Variants in TNNT1 observed in about 807,000 individuals in gnomAD.
TNNT1 encodes the protein troponin T1, slow skeletal type, also known as troponin T, slow skeletal muscle.
Under a neutral mutation model 50.6 loss-of-function variants are expected in TNNT1, and 53 were observed. The ratio of observed to expected loss-of-function variants is 1.05; its 90% CI spans 0.84 to 1.32. TNNT1 has a LOEUF of 1.32. TNNT1 is among the 40% of genes most tolerant of loss of function. TNNT1 has a pLI of 0.00. For synonymous variants in TNNT1, 142 were observed against 138.0 expected, an observed-to-expected ratio of 1.03 and a Z score of -0.20; for missense variants, 348 against 381.7, an observed-to-expected ratio of 0.91 and a Z score of 0.74.
rs1268093521 is a variant in TNNT1, at chr19:55,132,715, G to A, written c.*200C>T. On this transcript the variant is annotated 3_prime_UTR_variant, in exon 14 of 14. Transcript: ENST00000588981. ...GCAGTGTGTGAAGGTTCAGCCTGCC[G>A]TACTTTAATGATTATTGGTGACACT... 4.0e-5 allele frequency: 25 copies of A among 621,788 alleles called. No homozygotes were observed. The highest frequency in any genetic ancestry group is 6.3e-5 in the Non-Finnish European group (22 of 347,878). 38.5% of individuals were successfully genotyped at this position (621,788 alleles called of 1,614,324 possible).
At chr19:55,146,967 G>A in intron 3 of TNNT1, 41 bp downstream of exon 3, 1 of 1,574,740 alleles carries the variant, frequency 6.4e-7, no homozygotes, top group Non-Finnish European at 8.6e-7. Context: ...GAGCTCCTGG[G>A]CGTGTCCCCA....
chr19:55,139,026 G>A (rs925454277), intron 9 of TNNT1, among the ~76,000 whole-genome samples: 3 of 152,042 alleles, frequency 2.0e-5, no homozygotes, highest in African/African-American at 7.2e-5. Context: ...ATGGAGTCTC[G>A]CTCTGTCACT....
chr19:55,143,696 C>T lies in TNNT1; in HGVS notation c.129-1776G>A, dbSNP rs543990243. On this transcript the variant is annotated intron_variant, in intron 6 of 13. Coordinates refer to ENST00000588981, the MANE Select transcript of TNNT1 (RefSeq NM_003283.6). ...GCTGTTCCATCCCTATCTCCTGCCC[C>T]GACAGCCCCGTGAGCTGCCAGTGAG... 2.0e-4 allele frequency among the ~76,000 whole-genome samples: 31 copies of T among 152,254 alleles called. 1 individual carries two copies. Among genetic ancestry groups the T allele is most frequent in the East Asian group, 1.4e-3 (7 of 5,174 alleles).
At position 55,140,080 on chromosome 19, in the gene TNNT1, G is replaced by A. The variant is rs151255325; in HGVS notation, c.387+803C>T. Among the ~76,000 whole-genome samples, 548 of 151,188 alleles carry A rather than the reference G, an allele frequency of 3.6e-3. 5 individuals are homozygous for A. Among genetic ancestry groups the A allele is most frequent in the African/African-American group, 0.013 (518 of 41,132 alleles). On this transcript the variant is annotated intron_variant, in intron 9 of 13. Coordinates refer to ENST00000588981, the MANE Select transcript of TNNT1 (RefSeq NM_003283.6). ...GGAGGTTGCAGTGAGCTGAGATCGC[G>A]TCACTGCACTCCAGCCTGGGTGACA...
rs1387252012 is a variant in TNNT1 at position 55,141,212 on chromosome 19, C to G, written c.283G>C (p.Glu95Gln). Residue 95 changes from glutamate to glutamine, a missense_variant, in exon 8 of 14, where the codon GAG becomes CAG. This residue lies in a region of TNNT1 where 253 missense variants were observed against 291.8 expected (regional missense o/e 0.87). Coordinates refer to ENST00000588981, the MANE Select transcript of TNNT1 (RefSeq NM_003283.6). The stretch of plus-strand genomic sequence containing the variant: ...ATGCGCTCCTTCAAGGCAACCAGCT[C>G]CTCTTCCTCCTTCTTCCGCTGCTCG... Reference protein sequence around the residue: ...HFEQRKKEEEELVALKERIER... With the variant: ...HFEQRKKEEEQLVALKERIER... 1 of 1,614,244 alleles carries G rather than the reference C, an allele frequency of 6.2e-7. No homozygotes were observed. The highest frequency in any genetic ancestry group is 1.1e-5 in the South Asian group (1 of 91,090).
intron 7 of TNNT1, 38 bp downstream of exon 7, chr19:55,141,819 T>G: frequency 6.2e-7 from 1 of 1,611,088 alleles, no homozygotes; most frequent in Non-Finnish European, 8.5e-7. Context: ...CCTTAAAGAC[T>G]AGCAACTGCG....
In TNNT1 at chr19:55,138,105, C is replaced by T. The variant is rs141761046; in HGVS notation, c.388-31G>A. The T allele has an allele frequency of 1.2e-4, 194 of 1,613,940 alleles. 1 individual carries two copies. In the African/African-American group the frequency reaches 2.2e-3, roughly 19 times the overall value. The stretch of plus-strand genomic sequence containing the variant: ...GGAAGTAAGGGGTTAACCTCATGGA[C>T]TCCCCTGTAGGACTGAGGGAGGAGG... On this transcript the variant is annotated intron_variant, in intron 9 of 13. Coordinates refer to ENST00000588981, the MANE Select transcript of TNNT1 (RefSeq NM_003283.6).
At chr19:55,134,961 C>A (rs955015534) in intron 11 of TNNT1, among the ~76,000 whole-genome samples, 5 of 151,778 alleles carry the variant, frequency 3.3e-5, no homozygotes, top group African/African-American at 1.2e-4. Context: ...GAATATGTCA[C>A]ATGACTTCCT....
chr19:55,146,388 C>T, intron 5 of TNNT1, 46 bp downstream of exon 5: 7 of 1,335,460 alleles, frequency 5.2e-6, no homozygotes, highest in Non-Finnish European at 6.8e-6. Context: ...GGGGGTCCCC[C>T]CGGGCCCCCG....
At position 55,141,307 on chromosome 19, in the gene TNNT1, A is replaced by AG; in HGVS notation, c.193-6dup. 1 of 1,613,014 alleles carries AG rather than the reference A, an allele frequency of 6.2e-7. No homozygotes were observed. Among genetic ancestry groups the AG allele is most frequent in the East Asian group, 2.2e-5 (1 of 44,872 alleles). ...CATGCGCTTGCGGTGGATGTCCTGC[A>AG]GGACACACGGGCAGCCCGTCCTAGG... On this transcript the variant is annotated splice_polypyrimidine_tract_variant and splice_region_variant and intron_variant, in intron 7 of 13. Transcript: ENST00000588981.
chr19:55,132,889 A>G lies in TNNT1; in HGVS notation c.*26T>C. On this transcript the variant is annotated 3_prime_UTR_variant, in exon 14 of 14. Transcript: ENST00000588981. ...TGGGACAAACACTCCCAGGCTTCCC[A>G]GGTGCCACTGTCCGGGGCGGCATCC... 1 of 1,593,866 alleles carries G rather than the reference A, an allele frequency of 6.3e-7. No homozygotes were observed. Among genetic ancestry groups the G allele is most frequent in the Non-Finnish European group, 8.5e-7 (1 of 1,171,216 alleles).
At position 55,141,185 on chromosome 19, in the gene TNNT1, C is replaced by T. The variant is rs149559898; in HGVS notation, c.309+1G>A. On this transcript the variant is annotated splice_donor_variant, in intron 8 of 13. Coordinates refer to ENST00000588981, the MANE Select transcript of TNNT1 (RefSeq NM_003283.6). LOFTEE classifies it high-confidence loss of function. Reference sequence around the variant, plus strand: ...GGGGGGAACCCGGACTCTCGGCTCACAATGCGCTCCTTCAAGGCAACCAGC... The same window carrying T: ...GGGGGGAACCCGGACTCTCGGCTCATAATGCGCTCCTTCAAGGCAACCAGC... 8.1e-6 allele frequency: 13 copies of T among 1,613,576 alleles called. No individual in the cohort carries two copies. Among genetic ancestry groups the T allele is most frequent in the Non-Finnish European group, 1.1e-5 (13 of 1,179,556 alleles).
chr19:55,135,392 C>A, intron 11 of TNNT1: 2 of 238,482 alleles, frequency 8.4e-6, no homozygotes, highest in Non-Finnish European at 1.7e-5. Context: ...TTCCTTCCTT[C>A]CTTCCTTCTT....
chr19:55,145,973 C>T (rs995208315), intron 5 of TNNT1, among the ~76,000 whole-genome samples: 3 of 142,878 alleles, frequency 2.1e-5, no homozygotes, highest in Admixed American at 2.0e-4. Flanking sequence ...AGCTCGCCCC[C>T]TGCCCACCGC....
At chr19:55,141,975 C>T in intron 6 of TNNT1, 55 bp from the exon 7 acceptor site, 2 of 1,576,478 alleles carry the variant, frequency 1.3e-6, no homozygotes, top group Non-Finnish European at 1.7e-6. Context: ...TGAGCCACCT[C>T]CCACCTCCGG....
chr19:55,142,718 T>C (rs963259545), intron 6 of TNNT1, among the ~76,000 whole-genome samples: 2 of 151,268 alleles, frequency 1.3e-5, no homozygotes, highest in African/African-American at 4.8e-5. Flanking sequence ...TGGGTAATTT[T>C]TGTATTTTTA....
At chr19:55,142,368 G>A (rs1341362510) in intron 6 of TNNT1, among the ~76,000 whole-genome samples, 2 of 150,952 alleles carry the variant, frequency 1.3e-5, no homozygotes, top group African/African-American at 2.4e-5. Context: ...TGATCCGCCC[G>A]CCTCGGCCTC....
At chr19:55,139,805 A>G (rs1007943607) in intron 9 of TNNT1, among the ~76,000 whole-genome samples, 1 of 86,950 alleles carries the variant, frequency 1.2e-5, no homozygotes, top group Non-Finnish European at 2.6e-5. Flanking sequence ...TATCTCAAAT[A>G]AAAAAAAATA....
chr19:55,136,298 G>C (rs1812209278), intron 11 of TNNT1, among the ~76,000 whole-genome samples: 1 of 152,042 alleles, frequency 6.6e-6, no homozygotes, highest in Non-Finnish European at 1.5e-5. Flanking sequence ...CATTGCCCAG[G>C]CTGGTCTCCA....
Sources: gnomAD v4.1 joint callset for allele counts (sites outside exome capture counted in the v4.1 genomes callset) on GRCh38, gnomAD v4.1.1 for gene constraint, gnomAD v4.1.1 regional missense constraint, MANE v1.5 for transcripts, NCBI Gene and HGNC (gene_info 2026-07-23, HGNC 2026-07-21) for gene names.